VPS33B: variants seen among roughly 807,000 people sequenced by gnomAD.
VPS33B encodes the protein VPS33B late endosome and lysosome associated.
In VPS33B, 80 loss-of-function variants were observed where a neutral mutation model predicts 95.3. The ratio of observed to expected loss-of-function variants is 0.84; its 90% CI spans 0.70 to 1.01. VPS33B has a LOEUF of 1.01. Ranked by LOEUF, VPS33B falls within the 50% of genes least tolerant of loss-of-function variation. The pLI is 0.00. For missense variants in VPS33B, 715 were observed against 773.4 expected (o/e 0.92, Z 0.90); for synonymous variants, 280 against 280.4 (o/e 1.00, Z 0.01).
At position 90,998,950 on chromosome 15, in the gene VPS33B, A is replaced by G. The variant is rs1234443898; in HGVS notation, c.*25T>C. 4.3e-6 allele frequency: 7 copies of G among 1,613,300 alleles called. No homozygotes were observed. The highest frequency in any genetic ancestry group is 5.9e-6 in the Non-Finnish European group (7 of 1,179,702). On this transcript the variant is annotated 3_prime_UTR_variant, in exon 23 of 23. Transcript: ENST00000333371. This position sits in a 1 kb window ranked among gnomAD's most constrained non-coding sequence, Gnocchi z 4.8. ...TCACTGAGGAATGTGTTCAGGGAAG[A>G]TGTCAACACTGGCCGGGAAAAACAT...
chr15:91,011,774 G>T lies in VPS33B; in HGVS notation c.358-1928C>A, dbSNP rs2040785965. 6.6e-6 allele frequency among the ~76,000 whole-genome samples: 1 copy of T among 152,134 alleles called. No homozygotes were observed. The highest frequency in any genetic ancestry group is 2.4e-5 in the African/African-American group (1 of 41,424). On this transcript the variant is annotated intron_variant, in intron 5 of 22. Transcript: ENST00000333371. The surrounding 1 kb of genome is among the most constrained non-coding windows in gnomAD (Gnocchi z 5.5). ...AGGCAGAGGTGGGCAGATTGCCTGA[G>T]CTCAGGAATTTGAGACCAGCTTGGG...
In VPS33B at chr15:90,998,986, C is replaced by T; in HGVS notation, c.1843G>A (p.Val615Met). Residue 615 changes from valine to methionine, a missense_variant, in exon 23 of 23, where the codon GTG becomes ATG. Transcript: ENST00000333371. The surrounding 1 kb of genome is among the most constrained non-coding windows in gnomAD (Gnocchi z 4.8). ...GGCCGGGAAAAACATCAGGCTTTCA[C>T]CTCACTCATGGCCTCCATAAGGCGA... ...SARLMEAMSE[V>M]KA 6.2e-7 allele frequency: 1 copy of T among 1,614,146 alleles called. No homozygotes were observed. The highest frequency in any genetic ancestry group is 8.5e-7 in the Non-Finnish European group (1 of 1,180,026).
rs2040398442 is a variant in VPS33B at position 91,000,277 on chromosome 15, G to C, written c.1581+213C>G. Among the ~76,000 whole-genome samples, 1 of 152,092 alleles carries C rather than the reference G, an allele frequency of 6.6e-6. No individual in the cohort carries two copies. Among genetic ancestry groups the C allele is most frequent in the Non-Finnish European group, 1.5e-5 (1 of 68,028 alleles). ...CTGGGTGCAGTGGCACATGCCTGTA[G>C]TCCCAGCTACTTCGGAAGCTGAGGC... On this transcript the variant is annotated intron_variant, in intron 20 of 22. Coordinates refer to ENST00000333371, the MANE Select transcript of VPS33B (RefSeq NM_018668.5). This position sits in a 1 kb window ranked among gnomAD's most constrained non-coding sequence, Gnocchi z 4.9.
In VPS33B at chr15:91,022,352, C is replaced by T. The variant is rs2041130325; in HGVS notation, c.-103G>A. The T allele has an allele frequency of 8.3e-7, 1 of 1,210,636 alleles. No individual in the cohort carries two copies. The highest frequency in any genetic ancestry group is 1.1e-6 in the Non-Finnish European group (1 of 880,132). 75.0% of individuals were successfully genotyped at this position (1,210,636 alleles called of 1,614,324 possible). A position where few individuals can be genotyped will look rare whatever the true frequency, so the allele number is the denominator to read the frequency against. On this transcript the variant is annotated 5_prime_UTR_variant, in exon 1 of 23. Coordinates refer to ENST00000333371, the MANE Select transcript of VPS33B (RefSeq NM_018668.5). ...AGGGGGGCTATCCTTCAGGCCTGGG[C>T]ACCGACTTCCAGAGACCCCAGATGG...
In VPS33B at chr15:91,001,415, G is replaced by A. The variant is rs767694622; in HGVS notation, c.1453C>T (p.Arg485Cys). 7 of 1,613,442 alleles carry A rather than the reference G, an allele frequency of 4.3e-6. No homozygotes were observed. The highest frequency in any genetic ancestry group is 1.7e-5 in the Admixed American group (1 of 59,964). Residue 485 changes from arginine to cysteine, a missense_variant, in exon 19 of 23, where the codon CGT becomes TGT. Arg to Cys is a radical substitution (Grantham distance 180). Coordinates refer to ENST00000333371, the MANE Select transcript of VPS33B (RefSeq NM_018668.5). The stretch of plus-strand genomic sequence containing the variant: ...AAATTCAGCTTTTTGCTGATGGCAC[G>A]AAAATTGCTCCTCTTGGCCAGAGAA... ...FSSLAKRSNF[R>C]AISKKLNLIP...
chr15:91,022,610 GT>G (rs2041145087), upstream of VPS33B: 2 of 171,894 alleles, frequency 1.2e-5, no homozygotes, highest in African/African-American at 4.7e-5. Flanking sequence ...TCTCCCGGAA[GT>G]CCCTTTCGCT....
rs1400696666 is a variant in VPS33B at position 91,002,841 on chromosome 15, C to G, written c.1272+244G>C. On this transcript the variant is annotated intron_variant, in intron 17 of 22. Coordinates refer to ENST00000333371, the MANE Select transcript of VPS33B (RefSeq NM_018668.5). This position sits in a 1 kb window ranked among gnomAD's most constrained non-coding sequence, Gnocchi z 4.7. ...CCAGGAGAAAGAACTCACACTGGGG[C>G]CAGCACTGAAATGTTTAATTCTCAG... Among the ~76,000 whole-genome samples, 1 of 30,698 alleles carries G rather than the reference C, an allele frequency of 3.3e-5. No individual in the cohort carries two copies. Among genetic ancestry groups the G allele is most frequent in the African/African-American group, 1.5e-4 (1 of 6,874 alleles). The allele number at this position is 30,698 out of a possible 152,430, so 20.1% of individuals were successfully genotyped here.
chr15:91,006,377 C>A lies in VPS33B; in HGVS notation c.847G>T (p.Asp283Tyr). 1 of 1,614,228 alleles carries A rather than the reference C, an allele frequency of 6.2e-7. No individual in the cohort carries two copies. The highest frequency in any genetic ancestry group is 8.5e-7 in the Non-Finnish European group (1 of 1,180,048). Residue 283 changes from aspartate to tyrosine, a missense_variant, in exon 11 of 23, where the codon GAC (aspartate) becomes TAC (tyrosine). Transcript: ENST00000333371. The surrounding 1 kb of genome is among the most constrained non-coding windows in gnomAD (Gnocchi z 5.4). ...KSLKVLLNAE[D>Y]KVFNEIRNEH... is the part of the protein sequence containing the mutation. ...GCTAGCACCCACACCCTCACCTTGT[C>A]CTCGGCATTGAGTAGCACCTTCAGG...
chr15:91,005,348 G>T lies in VPS33B; in HGVS notation c.1105+32C>A. On this transcript the variant is annotated intron_variant, in intron 14 of 22. Coordinates refer to ENST00000333371, the MANE Select transcript of VPS33B (RefSeq NM_018668.5). This position sits in a 1 kb window ranked among gnomAD's most constrained non-coding sequence, Gnocchi z 6.4. ...CTGGGAGCTGGGGAAGTAGAAGCGTGGGCAGTAGCACAGCAAGGCTGCGGC... is the reference window on the plus strand; with the variant it reads ...CTGGGAGCTGGGGAAGTAGAAGCGTTGGCAGTAGCACAGCAAGGCTGCGGC... The T allele has an allele frequency of 6.2e-7, 1 of 1,614,104 alleles. No individual in the cohort carries two copies. The highest frequency in any genetic ancestry group is 8.5e-7 in the Non-Finnish European group (1 of 1,180,012).
intron 2 of VPS33B, 104 bp downstream of exon 2, chr15:91,017,701 T>C: frequency 1.8e-6 from 2 of 1,095,826 alleles, no homozygotes; most frequent in East Asian, 2.4e-5. Context: ...TAAGCTACCC[T>C]ATATTTGCCC....
rs2040848623 is a variant in VPS33B, at chr15:91,013,895, C to G, written c.290-24G>C. The G allele has an allele frequency of 1.2e-6, 2 of 1,613,920 alleles. No individual in the cohort carries two copies. The highest frequency in any genetic ancestry group is 1.6e-4 in the Middle Eastern group (1 of 6,062). ...ACCTACAGAGAGAAGGAATGCAGCC[C>G]AGCAAGTCATGGGCCATCTGTTATG... On this transcript the variant is annotated intron_variant, in intron 4 of 22. Transcript: ENST00000333371. The surrounding 1 kb of genome is among the most constrained non-coding windows in gnomAD (Gnocchi z 4.5).
Position 91,006,571 on chromosome 15 carries a change from C to A in VPS33B, c.778+81G>T. The A allele has an allele frequency of 6.2e-7, 1 of 1,610,302 alleles. No homozygotes were observed. ...GTTCATTCAGGGTCTGGGTCTCTCCCACAAACCCTGCCCCACGTGGGAGGT... is the reference window on the plus strand; with the variant it reads ...GTTCATTCAGGGTCTGGGTCTCTCCAACAAACCCTGCCCCACGTGGGAGGT... On this transcript the variant is annotated intron_variant, in intron 10 of 22. Coordinates refer to ENST00000333371, the MANE Select transcript of VPS33B (RefSeq NM_018668.5). The surrounding 1 kb of genome is among the most constrained non-coding windows in gnomAD (Gnocchi z 5.4).
At position 91,005,887 on chromosome 15, in the gene VPS33B, C is replaced by T. The variant is rs956752170; in HGVS notation, c.939+86G>A. 6.2e-7 allele frequency: 1 copy of T among 1,606,010 alleles called. No homozygotes were observed. The highest frequency in any genetic ancestry group is 1.7e-4 in the Middle Eastern group (1 of 6,040). Reference sequence around the variant, plus strand: ...CCATGAGAAAGGACAGGGAACCTGTCATAGTATTAGAAGGGGAGCCCAAGG... The same window carrying T: ...CCATGAGAAAGGACAGGGAACCTGTTATAGTATTAGAAGGGGAGCCCAAGG... On this transcript the variant is annotated intron_variant, in intron 12 of 22. Coordinates refer to ENST00000333371, the MANE Select transcript of VPS33B (RefSeq NM_018668.5). The surrounding 1 kb of genome is among the most constrained non-coding windows in gnomAD (Gnocchi z 6.4).
intron 1 of VPS33B, among the ~76,000 whole-genome samples, chr15:91,021,607 G>A (rs2041104240): frequency 6.6e-6 from 1 of 152,208 alleles, no homozygotes; most frequent in South Asian, 2.1e-4. Flanking sequence ...TGTAACTGCT[G>A]ATGGGTGTCT....
At position 90,999,249 on chromosome 15, in the gene VPS33B, G is replaced by C. The variant is rs2040362268; in HGVS notation, c.1775-195C>G. The C allele has an allele frequency of 6.4e-5, 41 of 645,558 alleles. No homozygotes were observed. The East Asian group carries it at 1.2e-3, about 18-fold the overall frequency. The allele number at this position is 645,558 out of a possible 1,614,324, so 40.0% of individuals were successfully genotyped here. On this transcript the variant is annotated intron_variant, in intron 22 of 22. Transcript: ENST00000333371. The surrounding 1 kb of genome is among the most constrained non-coding windows in gnomAD (Gnocchi z 5.1). ...CTGGGCTCCCTGCTGTGGCAGCCCAGAGTTAAGGCTATGGCAAGTTGTATT... is the reference window on the plus strand; with the variant it reads ...CTGGGCTCCCTGCTGTGGCAGCCCACAGTTAAGGCTATGGCAAGTTGTATT...
Position 91,006,940 on chromosome 15 carries a change from C to T in VPS33B, c.700+10G>A, listed in dbSNP as rs200165028. On this transcript the variant is annotated intron_variant, in intron 9 of 22. Transcript: ENST00000333371. This position sits in a 1 kb window ranked among gnomAD's most constrained non-coding sequence, Gnocchi z 5.4. ...GCTGAAAGATGACAGGAACGCTGGG[C>T]ATAATTTACCTCTGTCCAAGAGAAA... is the stretch of plus-strand genomic sequence containing the variant. 2.5e-6 allele frequency: 4 copies of T among 1,614,012 alleles called. No individual in the cohort carries two copies. The highest frequency in any genetic ancestry group is 1.7e-5 in the Admixed American group (1 of 60,014).
At position 91,000,567 on chromosome 15, in the gene VPS33B, C is replaced by T. The variant is rs1163461014; in HGVS notation, c.1504G>A (p.Asp502Asn). Residue 502 changes from aspartate to asparagine, a missense_variant, in exon 20 of 23, where the codon GAT (aspartate) becomes AAT (asparagine). By Grantham distance (23) the Asp-to-Asn change is conservative (BLOSUM62 1). Coordinates refer to ENST00000333371, the MANE Select transcript of VPS33B (RefSeq NM_018668.5). This position sits in a 1 kb window ranked among gnomAD's most constrained non-coding sequence, Gnocchi z 4.9. ...NLIPRVDGEY[D>N]LKVPRDMAYV... ...GCCATGTCTCGGGGCACTTTCAGAT[C>T]ATACTCGCCGTCCACACGTGGGATC... The T allele has an allele frequency of 1.2e-6, 2 of 1,613,176 alleles. No homozygotes were observed. Among genetic ancestry groups the T allele is most frequent in the Admixed American group, 1.7e-5 (1 of 59,978 alleles).
At position 91,007,576 on chromosome 15, in the gene VPS33B, G is replaced by C. The variant is rs201919090; in HGVS notation, c.499-3C>G. On this transcript the variant is annotated splice_region_variant and splice_polypyrimidine_tract_variant and intron_variant, in intron 7 of 22. Coordinates refer to ENST00000333371, the MANE Select transcript of VPS33B (RefSeq NM_018668.5). This position sits in a 1 kb window ranked among gnomAD's most constrained non-coding sequence, Gnocchi z 5.3. Reference sequence around the variant, plus strand: ...TTGATCCAACGCTGATCTCCTTCCTGCAGGGACCACACAAGCCACAAAGAT... The same window carrying C: ...TTGATCCAACGCTGATCTCCTTCCTCCAGGGACCACACAAGCCACAAAGAT... 4.6e-5 allele frequency: 75 copies of C among 1,613,770 alleles called. No homozygotes were observed. Among genetic ancestry groups the C allele is most frequent in the Admixed American group, 3.7e-4 (22 of 59,982 alleles).
rs74516510 is a variant in VPS33B at position 91,002,634 on chromosome 15, TAAAAAAA to T, written c.1272+444_1272+450del. On this transcript the variant is annotated intron_variant, in intron 17 of 22. Transcript: ENST00000333371. The surrounding 1 kb of genome is among the most constrained non-coding windows in gnomAD (Gnocchi z 4.7). ...AACAGAGCGAGACATCGTCTCGAAA[TAAAAAAA>T]AAAAAAAAAAGAAAAGAAATAATTA... Among the ~76,000 whole-genome samples, 19 of 88,768 alleles carry T rather than the reference TAAAAAAA, an allele frequency of 2.1e-4. No homozygotes were observed. The highest frequency in any genetic ancestry group is 4.2e-4 in the Non-Finnish European group (16 of 38,050). 58.2% of individuals were successfully genotyped at this position (88,768 alleles called of 152,430 possible).
Sources: allele counts gnomAD v4.1 joint callset (sites outside exome capture counted in the v4.1 genomes callset), GRCh38; gene constraint gnomAD v4.1.1; non-coding constraint Gnocchi (gnomAD v3.1); transcripts MANE v1.5; gene names NCBI Gene and HGNC (gene_info 2026-07-23, HGNC 2026-07-21).